The following TTLL5 variants were observed in gnomAD, a reference collection of about 807,000 sequenced individuals.
TTLL5 encodes tubulin tyrosine ligase like 5.
Under a neutral mutation model 168.4 loss-of-function variants are expected in TTLL5, and 132 were observed. The ratio of observed to expected loss-of-function variants is 0.78; its 90% CI spans 0.68 to 0.91. The LOEUF (loss-of-function observed/expected upper bound fraction) is 0.91, where lower values mean the gene tolerates loss of function less well. TTLL5 is among the 40% of genes least tolerant of loss of function. The pLI is 0.00. For synonymous variants in TTLL5, 546 were observed against 558.6 expected, an observed-to-expected ratio of 0.98 and a Z score of 0.32; for missense variants, 1,545 against 1,581.5, an observed-to-expected ratio of 0.98 and a Z score of 0.39.
chr14:75,923,713 ATG>A (rs1170127797), intron 31 of TTLL5, among the ~76,000 whole-genome samples: 1 of 152,194 alleles, frequency 6.6e-6, no homozygotes, highest in African/African-American at 2.4e-5. Context: ...AGTACTATAG[ATG>A]TCTATTAGGT....
At chr14:75,664,197 CT>C (rs1223679236) in intron 2 of TTLL5, among the ~76,000 whole-genome samples, 2 of 152,000 alleles carry the variant, frequency 1.3e-5, no homozygotes, top group Non-Finnish European at 1.5e-5. Context: ...ATTATTTTCA[CT>C]TTTTTAAACT....
At chr14:75,758,535 G>A (rs1890424830) in intron 18 of TTLL5, among the ~76,000 whole-genome samples, 1 of 152,118 alleles carries the variant, frequency 6.6e-6, no homozygotes, top group African/African-American at 2.4e-5. Context: ...AATAAATGAA[G>A]AGCACTGAGT....
intron 9 of TTLL5, among the ~76,000 whole-genome samples, chr14:75,707,998 C>T (rs1886779594): frequency 6.6e-6 from 1 of 152,218 alleles, no homozygotes; most frequent in South Asian, 2.1e-4. Flanking sequence ...TGGTATTTTC[C>T]TGCAGTGACA....
chr14:75,834,605 C>T (rs1408083855), intron 28 of TTLL5, among the ~76,000 whole-genome samples: 1 of 152,130 alleles, frequency 6.6e-6, no homozygotes, highest in East Asian at 1.9e-4. Context: ...AAATACATAC[C>T]TATGCCCAAA....
At chr14:75,871,566 A>T (rs951992281) in intron 29 of TTLL5, among the ~76,000 whole-genome samples, 10 of 131,912 alleles carry the variant, frequency 7.6e-5, no homozygotes, top group Non-Finnish European at 1.6e-4. Context: ...ACAAATCTTT[A>T]AAAAAAAAAA....
At chr14:75,755,936 A>G (rs1163713324) in intron 18 of TTLL5, among the ~76,000 whole-genome samples, 1 of 151,974 alleles carries the variant, frequency 6.6e-6, no homozygotes, top group Non-Finnish European at 1.5e-5. Flanking sequence ...ACTGTCTTAT[A>G]CTATGGCAGT....
At chr14:75,729,015 GAATA>G (rs1321237870) in intron 12 of TTLL5, among the ~76,000 whole-genome samples, 2 of 152,138 alleles carry the variant, frequency 1.3e-5, no homozygotes, top group African/African-American at 2.4e-5. Flanking sequence ...TTAGGGCTGG[GAATA>G]AATAGGTATT....
At chr14:75,900,428 A>G (rs752270836) in intron 30 of TTLL5, among the ~76,000 whole-genome samples, 1 of 152,172 alleles carries the variant, frequency 6.6e-6, no homozygotes, top group Non-Finnish European at 1.5e-5. Context: ...TGGGCACCTC[A>G]GACACCACCT....
chr14:75,830,385 T>A (rs1895492894), intron 28 of TTLL5, among the ~76,000 whole-genome samples: 1 of 152,194 alleles, frequency 6.6e-6, no homozygotes, highest in Admixed American at 6.5e-5. Context: ...ATGGTGACTA[T>A]AATTAATAAC....
In TTLL5 at chr14:75,826,837, CA is replaced by C. The variant is rs1230200206; in HGVS notation, c.3326+6677del. ...TTTCTTTCTGACTCATGTAGAAGAA[CA>C]TTGATGATCCATATTTAAAGCTTAC... On this transcript the variant is annotated intron_variant, in intron 28 of 31. Transcript: ENST00000298832. 2.0e-5 allele frequency among the ~76,000 whole-genome samples: 3 copies of C among 152,154 alleles called. No homozygotes were observed. In the East Asian group the frequency reaches 5.8e-4, roughly 29 times the overall value.
chr14:75,942,977 G>C (rs1014979660), intron 31 of TTLL5, among the ~76,000 whole-genome samples: 1 of 152,148 alleles, frequency 6.6e-6, no homozygotes, highest in African/African-American at 2.4e-5. Flanking sequence ...TATAAAGACA[G>C]TATTATCTGT....
At chr14:75,872,725 C>A (rs1328892556) in intron 29 of TTLL5, among the ~76,000 whole-genome samples, 1 of 151,912 alleles carries the variant, frequency 6.6e-6, no homozygotes, top group Non-Finnish European at 1.5e-5. Flanking sequence ...GCCTGACCAC[C>A]GTGGAGAAAC....
intron 29 of TTLL5, among the ~76,000 whole-genome samples, chr14:75,875,060 A>G (rs1208060050): frequency 2.7e-5 from 4 of 148,676 alleles, no homozygotes; most frequent in African/African-American, 9.9e-5. Context: ...CATCCTCCCA[A>G]GTAACTGAGA....
At chr14:75,845,151 G>T (rs950428991) in intron 28 of TTLL5, among the ~76,000 whole-genome samples, 7 of 152,198 alleles carry the variant, frequency 4.6e-5, no homozygotes, top group Non-Finnish European at 8.8e-5. Flanking sequence ...GTTTTCTAAA[G>T]CTAGTGTCCT....
intron 6 of TTLL5, among the ~76,000 whole-genome samples, chr14:75,697,601 A>T (rs990593538): frequency 6.6e-6 from 1 of 152,190 alleles, no homozygotes; most frequent in African/African-American, 2.4e-5. Context: ...GAGAGGAAAG[A>T]AAAGGAGACA....
At position 75,825,613 on chromosome 14, in the gene TTLL5, T is replaced by C. The variant is rs75176113; in HGVS notation, c.3326+5452T>C. 4.1e-3 allele frequency among the ~76,000 whole-genome samples: 625 copies of C among 152,264 alleles called. 3 individuals are homozygous for C. The highest frequency in any genetic ancestry group is 0.014 in the East Asian group (75 of 5,176). ...TATAATTTTGTACTTTATCCTGTTA[T>C]ATAAACAATGCTTTCCAGCCAAAGA... On this transcript the variant is annotated intron_variant, in intron 28 of 31. Transcript: ENST00000298832.
At chr14:75,768,861 A>G (rs1442927494) in intron 20 of TTLL5, among the ~76,000 whole-genome samples, 1 of 152,172 alleles carries the variant, frequency 6.6e-6, no homozygotes, top group Non-Finnish European at 1.5e-5. Context: ...GTCAGTGGAG[A>G]ATAGAATATG....
chr14:75,919,783 A>G (rs2033759380), intron 31 of TTLL5, among the ~76,000 whole-genome samples: 1 of 152,198 alleles, frequency 6.6e-6, no homozygotes, highest in Non-Finnish European at 1.5e-5. Flanking sequence ...GTTGGACTTC[A>G]TCAGAATTTT....
intron 12 of TTLL5, among the ~76,000 whole-genome samples, 171 bp downstream of exon 12, chr14:75,720,874 G>A (rs1427096166): frequency 2.0e-5 from 3 of 152,182 alleles, no homozygotes; most frequent in Non-Finnish European, 4.4e-5. Flanking sequence ...CCAATAGTGA[G>A]CTTGGTCAGA....
Sources: gnomAD v4.1 joint callset for allele counts (sites outside exome capture counted in the v4.1 genomes callset) on GRCh38, gnomAD v4.1.1 for gene constraint, MANE v1.5 for transcripts, NCBI Gene and HGNC (gene_info 2026-07-23, HGNC 2026-07-21) for gene names.